TKT: variants seen among roughly 807,000 people sequenced by gnomAD.
TKT encodes the protein epididymis luminal protein 107.
A neutral mutation model predicts 63.9 loss-of-function variants in TKT; 47 were observed. The ratio of observed to expected loss-of-function variants is 0.74; its 90% confidence interval spans 0.58 to 0.94. The LOEUF (loss-of-function observed/expected upper bound fraction) is 0.94, where lower values mean the gene tolerates loss of function less well. Among genes scored for constraint, TKT ranks in the 40% least tolerant of loss-of-function variants. The pLI, the probability that TKT is intolerant of heterozygous loss-of-function variation, is 0.00. For missense variants in TKT, 721 were observed against 846.2 expected (o/e 0.85, Z 1.84); for synonymous variants, 338 against 334.1 (o/e 1.01, Z -0.13).
chr3:53,249,837 A>G (rs1464723139), intron 1 of TKT, among the ~76,000 whole-genome samples: 1 of 152,126 alleles, frequency 6.6e-6, no homozygotes, highest in African/African-American at 2.4e-5. Context: ...CAGGTCCCTG[A>G]CCTCTAGAAG....
intron 4 of TKT, among the ~76,000 whole-genome samples, chr3:53,235,833 G>A (rs1705002437): frequency 6.6e-6 from 1 of 152,230 alleles, no homozygotes; most frequent in African/African-American, 2.4e-5. Flanking sequence ...TCTACCACAG[G>A]GGCCCTCTCC....
At chr3:53,230,652 C>A (rs1553676819) in intron 7 of TKT, 31 bp from the exon 8 acceptor site, 9 of 1,613,318 alleles carry the variant, frequency 5.6e-6, no homozygotes, top group South Asian at 5.5e-5. Flanking sequence ...AGGCTCTGGA[C>A]CCCTCTGAGG....
chr3:53,226,648 G>A lies in TKT; in HGVS notation c.1696+108C>T. ...GCTGCTCTGAGGGACAGCTCTGGGT[G>A]TTCTGGGCCACAGCTGCCCTCCTGG... On this transcript the variant is annotated intron_variant, in intron 13 of 13. Transcript: ENST00000462138. The A allele has an allele frequency of 2.0e-6, 3 of 1,519,464 alleles. No homozygotes were observed. In the South Asian group the frequency reaches 3.5e-5, roughly 18 times the overall value. The allele number at this position is 1,519,464 out of a possible 1,614,324, so 94.1% of individuals were successfully genotyped here. A position where few individuals can be genotyped will look rare whatever the true frequency, so the allele number is the denominator to read the frequency against.
At chr3:53,254,002 C>T (rs560439629) in intron 1 of TKT, among the ~76,000 whole-genome samples, 2 of 152,134 alleles carry the variant, frequency 1.3e-5, no homozygotes, top group African/African-American at 2.4e-5. Context: ...TCAGTGTTCC[C>T]GTCTATAAAA....
rs1336717440 is a variant in TKT, at chr3:53,230,566, T to A, written c.998A>T (p.Asp333Val). Residue 333 changes from aspartate (D) to valine (V), a missense_variant, in exon 8 of 14, where the codon GAC becomes GTC. By Grantham distance (152) the Asp-to-Val change is radical. Coordinates refer to ENST00000462138, the MANE Select transcript of TKT (RefSeq NM_001064.4). ...GTCCCCATCCAGGGCGATGATGCGG[T>A]CACTGGCATGGCCCAGCTTGGCCAG... ...QALAKLGHAS[D>V]RIIALDGDTK... is the part of the protein sequence containing the mutation. 6.2e-7 allele frequency: 1 copy of A among 1,614,102 alleles called. No individual in the cohort carries two copies. The highest frequency in any genetic ancestry group is 8.5e-7 in the Non-Finnish European group (1 of 1,180,058).
intron 1 of TKT, 85 bp downstream of exon 1, chr3:53,255,751 G>C: frequency 1.1e-6 from 1 of 927,512 alleles, no homozygotes; most frequent in South Asian, 4.3e-5. Flanking sequence ...CTCGCAGCGC[G>C]ACCCAGAGCC....
intron 6 of TKT, chr3:53,232,727 T>C: frequency 5.0e-6 from 2 of 399,094 alleles, no homozygotes; most frequent in Non-Finnish European, 4.4e-6. Context: ...GCTTGAGGAG[T>C]ACCCCACTCA....
At position 53,229,156 on chromosome 3, in the gene TKT, G is replaced by C. The variant is rs1704629582; in HGVS notation, c.1265-19C>G. 6.2e-7 allele frequency: 1 copy of C among 1,614,088 alleles called. No individual in the cohort carries two copies. Among genetic ancestry groups the C allele is most frequent in the South Asian group, 1.1e-5 (1 of 91,084 alleles). ...TCTTCCCCTGGGGTGTGGGGGAAAG[G>C]ATATGCAGAAATAAGACCCCTACCC... On this transcript the variant is annotated intron_variant, in intron 9 of 13. Coordinates refer to ENST00000462138, the MANE Select transcript of TKT (RefSeq NM_001064.4).
In TKT at chr3:53,233,285, G is replaced by T; in HGVS notation, c.630-11C>A. 1 of 1,602,690 alleles carries T rather than the reference G, an allele frequency of 6.2e-7. No individual in the cohort carries two copies. On this transcript the variant is annotated splice_polypyrimidine_tract_variant and intron_variant, in intron 5 of 13. Transcript: ENST00000462138. ...ATGATGGCATGCCAACTGGGGACAGGGGGCAGAGAGTAAGGGGCAATTCCC... is the reference window on the plus strand; with the variant it reads ...ATGATGGCATGCCAACTGGGGACAGTGGGCAGAGAGTAAGGGGCAATTCCC...
At chr3:53,239,916 A>C (rs945686883) in intron 4 of TKT, among the ~76,000 whole-genome samples, 2 of 152,086 alleles carry the variant, frequency 1.3e-5, no homozygotes, top group Admixed American at 6.5e-5. Flanking sequence ...GTCTGGGCAC[A>C]GGGCTGGGGG....
intron 2 of TKT, chr3:53,241,871 T>C: frequency 2.1e-6 from 1 of 487,772 alleles, no homozygotes; most frequent in Non-Finnish European, 3.8e-6. Flanking sequence ...CCCTACTCCA[T>C]TTCTTTGAGT....
In TKT at chr3:53,236,817, C is replaced by T. The variant is rs1406198537; in HGVS notation, c.438-1643G>A. The stretch of plus-strand genomic sequence containing the variant: ...CTCAGGTCAGAGGGCGTGCTGAGGT[C>T]CCGAGGAGATGCCAAGGAAGGGGTT... On this transcript the variant is annotated intron_variant, in intron 4 of 13. Transcript: ENST00000462138. Among the ~76,000 whole-genome samples the T allele has an allele frequency of 2.0e-5, 3 of 152,322 alleles. No homozygotes were observed. In the East Asian group the frequency reaches 5.8e-4, roughly 29 times the overall value.
chr3:53,233,353 T>TTGGCAGCTGGGGTCTGCCC, intron 5 of TKT, 79 bp from the exon 6 acceptor site: 1 of 1,227,738 alleles, frequency 8.1e-7, no homozygotes. Flanking sequence ...AAGGTCTGCC[T>TTGGCAGCTGGGGTCTGCCC]TGGCAGCTGG....
At chr3:53,229,191 T>C (rs1704632306) in intron 9 of TKT, 54 bp from the exon 10 acceptor site, 1 of 1,612,800 alleles carries the variant, frequency 6.2e-7, no homozygotes. Context: ...CCCCCATCCA[T>C]GGGCTGGAAT....
intron 4 of TKT, among the ~76,000 whole-genome samples, chr3:53,238,551 A>C (rs1705133875): frequency 1.3e-5 from 2 of 152,036 alleles, no homozygotes; most frequent in Admixed American, 1.3e-4. Flanking sequence ...GTCTTCCCGA[A>C]CCCCACTATG....
rs781993830 is a variant in TKT at position 53,226,777 on chromosome 3, C to T, written c.1675G>A (p.Val559Met). The change falls in exon 13 of 14, where the codon GTG becomes ATG. Residue 559 changes from valine (V) to methionine (M), a missense_variant. Physicochemically the swap from Val to Met is conservative, Grantham distance 21. Transcript: ENST00000462138. ...TTACCTTCATAATAATGGTCCTCCA[C>T]GGTGAGGATCCTGCCCTTGGTGGCA... ...ARATKGRILT[V>M]EDHYYEGGIG... is the part of the protein sequence containing the mutation. 1.5e-5 allele frequency: 25 copies of T among 1,614,080 alleles called. No individual in the cohort carries two copies. The highest frequency in any genetic ancestry group is 4.0e-5 in the African/African-American group (3 of 74,942).
chr3:53,233,327 A>G, intron 5 of TKT, 53 bp from the exon 6 acceptor site: 2 of 1,436,192 alleles, frequency 1.4e-6, no homozygotes, highest in East Asian at 5.0e-5. Context: ...CACAACACCG[A>G]GGAGCCTTCC....
At chr3:53,233,085 G>A (rs1174749740) in intron 6 of TKT, 71 bp downstream of exon 6, 15 of 1,315,340 alleles carry the variant, frequency 1.1e-5, no homozygotes, top group South Asian at 2.6e-5. Context: ...CTGGATGTGC[G>A]GGTCAGAGCT....
chr3:53,255,175 G>C (rs542244595), intron 1 of TKT, among the ~76,000 whole-genome samples: 1 of 152,214 alleles, frequency 6.6e-6, no homozygotes, highest in African/African-American at 2.4e-5. Context: ...GCTGCCTGGC[G>C]TCTCAGCAGC....
Sources: gnomAD v4.1 joint callset for allele counts (sites outside exome capture counted in the v4.1 genomes callset) on GRCh38, gnomAD v4.1.1 for gene constraint, MANE v1.5 for transcripts, NCBI Gene and HGNC (gene_info 2026-07-23, HGNC 2026-07-21) for gene names.